Variants in VIPAS39 observed in about 807,000 individuals in gnomAD.
The protein encoded by VIPAS39 is spermatogenesis-defective protein 39 homolog.
A neutral mutation model predicts 84.7 loss-of-function variants in VIPAS39; 63 were observed. The observed-to-expected ratio is 0.74, with a 90% confidence interval of 0.61 to 0.92. The LOEUF (loss-of-function observed/expected upper bound fraction) is 0.92, where lower values mean the gene tolerates loss of function less well. Among genes scored for constraint, VIPAS39 ranks in the 40% least tolerant of loss-of-function variants. VIPAS39 has a pLI of 0.00. For missense variants in VIPAS39, 499 were observed against 604.5 expected, an observed-to-expected ratio of 0.83 and a Z score of 1.83; for synonymous variants, 192 against 216.5, an observed-to-expected ratio of 0.89 and a Z score of 0.99.
intron 17 of VIPAS39, 72 bp from the exon 18 acceptor site, chr14:77,429,167 A>G (rs2078480037): frequency 7.0e-7 from 1 of 1,424,054 alleles, no homozygotes; most frequent in African/African-American, 1.4e-5. Context: ...GGTAGAAAAG[A>G]AAGTCCTGAA....
chr14:77,441,265 CA>C (rs1288972233), intron 10 of VIPAS39, 172 bp from the exon 11 acceptor site: 2 of 706,294 alleles, frequency 2.8e-6, no homozygotes, highest in Admixed American at 4.7e-5. Context: ...TCTGGCTGAA[CA>C]AAAAGCAAGG....
rs1358419205 is a variant in VIPAS39, at chr14:77,451,307, C to T, written c.223G>A (p.Ala75Thr). 3 of 1,614,210 alleles carry T rather than the reference C, an allele frequency of 1.9e-6. No individual in the cohort carries two copies. The South Asian group carries it at 3.3e-5, about 18-fold the overall frequency. ...GSISWSIRET[A>T]GNSGSTHEGR... ...TCGTGGGTTGAGCCGCTATTACCAGCAGTCTCTCTGATGGACCATGAGATA... is the reference window on the plus strand; with the variant it reads ...TCGTGGGTTGAGCCGCTATTACCAGTAGTCTCTCTGATGGACCATGAGATA... The change falls in exon 4 of 20, where the codon GCT becomes ACT. Residue 75 changes from alanine (A) to threonine (T), a missense_variant. Physicochemically the swap from Ala to Thr is moderately conservative, Grantham distance 58. Coordinates refer to ENST00000557658, the MANE Select transcript of VIPAS39 (RefSeq NM_001193315.2).
In VIPAS39 at chr14:77,429,694, T is replaced by C. The variant is rs2078489124; in HGVS notation, c.1253A>G (p.Asn418Ser). ...AGGACCCATTACCTGCACAGGGGCA[T>C]TGTTCTTGTGCAAAATTTCGACAAC... ...HRVVEILHKN[N>S]APVQILQEYV... The change falls in exon 17 of 20, where the codon AAT becomes AGT. Residue 418 changes from asparagine (N) to serine (S), a missense_variant. Physicochemically the swap from Asn to Ser is conservative, Grantham distance 46. Transcript: ENST00000557658. The C allele has an allele frequency of 1.2e-6, 2 of 1,614,162 alleles. No individual in the cohort carries two copies. Among genetic ancestry groups the C allele is most frequent in the Non-Finnish European group, 1.7e-6 (2 of 1,180,004 alleles).
chr14:77,450,651 C>T (rs1461718739), intron 4 of VIPAS39, among the ~76,000 whole-genome samples: 1 of 152,130 alleles, frequency 6.6e-6, no homozygotes, highest in Non-Finnish European at 1.5e-5. Context: ...GCTGGGATTA[C>T]AGAAGCCCCC....
intron 19 of VIPAS39, 120 bp from the exon 20 acceptor site, chr14:77,427,756 A>C: frequency 7.4e-7 from 1 of 1,347,116 alleles, no homozygotes; most frequent in Non-Finnish European, 1.1e-6. Context: ...AAAAAGTAGA[A>C]TCAGATCAGG....
chr14:77,434,269 G>A lies in VIPAS39; in HGVS notation c.1082C>T (p.Thr361Ile). ...TFSSPVNLKK[T>I]FKIPDKQYVL... ...TGACCAATTTGTATCTACCTTAAATGTCTTCTTCAGGTTGACGGGACTGCT... is the reference window on the plus strand; with the variant it reads ...TGACCAATTTGTATCTACCTTAAATATCTTCTTCAGGTTGACGGGACTGCT... The change falls in exon 15 of 20, where the codon ACA becomes ATA. Residue 361 changes from threonine to isoleucine, a missense_variant. Physicochemically the swap from Thr to Ile is moderately conservative, Grantham distance 89. Coordinates refer to ENST00000557658, the MANE Select transcript of VIPAS39 (RefSeq NM_001193315.2). 1.9e-6 allele frequency: 3 copies of A among 1,614,054 alleles called. No homozygotes were observed. The highest frequency in any genetic ancestry group is 2.2e-5 in the South Asian group (2 of 91,084).
intron 8 of VIPAS39, among the ~76,000 whole-genome samples, chr14:77,444,003 T>C (rs2078745385): frequency 1.4e-5 from 2 of 145,800 alleles, no homozygotes; most frequent in Admixed American, 1.4e-4. Context: ...ATCACACCAC[T>C]GCACTTCAAC....
chr14:77,441,224 G>T, intron 10 of VIPAS39, 131 bp from the exon 11 acceptor site: 1 of 989,690 alleles, frequency 1.0e-6, no homozygotes, highest in Non-Finnish European at 1.6e-6. Context: ...AAGATAAATG[G>T]TTGATCAGAT....
chr14:77,453,534 T>C, intron 2 of VIPAS39, 133 bp from the exon 3 acceptor site: 2 of 840,490 alleles, frequency 2.4e-6, no homozygotes, highest in Non-Finnish European at 2.1e-6. Context: ...AAGCCTAGCA[T>C]ACTACATATT....
At chr14:77,452,205 TA>T (rs1370838406) in intron 3 of VIPAS39, among the ~76,000 whole-genome samples, 3 of 152,086 alleles carry the variant, frequency 2.0e-5, no homozygotes, top group African/African-American at 7.2e-5. Flanking sequence ...TATTAACACA[TA>T]AAAAGAGCAA....
intron 18 of VIPAS39, 133 bp downstream of exon 18, chr14:77,428,872 CT>C: frequency 1.3e-6 from 1 of 794,728 alleles, no homozygotes; most frequent in Non-Finnish European, 2.2e-6. Flanking sequence ...CAAACAAACT[CT>C]TGCCAGATTA....
In VIPAS39 at chr14:77,453,079, A is replaced by C. The variant is rs76221293; in HGVS notation, c.196+220T>G. On this transcript the variant is annotated intron_variant, in intron 3 of 19. Coordinates refer to ENST00000557658, the MANE Select transcript of VIPAS39 (RefSeq NM_001193315.2). ...AATGAGAATGAAATAGCCAGCTAAG[A>C]GTCAACCCCTGAAGAGCAGACCTAT... Among the ~76,000 whole-genome samples the C allele has an allele frequency of 0.03, 4,589 of 152,274 alleles. 227 individuals are homozygous for C. Among genetic ancestry groups the C allele is most frequent in the African/African-American group, 0.1 (4,343 of 41,526 alleles).
intron 14 of VIPAS39, 174 bp downstream of exon 14, chr14:77,435,085 C>T: frequency 3.2e-6 from 3 of 930,374 alleles, no homozygotes; most frequent in Middle Eastern, 3.4e-4. Flanking sequence ...AACCTCTTTT[C>T]CCTCCTGGCC....
chr14:77,442,745 C>A, intron 9 of VIPAS39, 83 bp from the exon 10 acceptor site: 1 of 1,196,416 alleles, frequency 8.4e-7, no homozygotes, highest in South Asian at 1.2e-5. Context: ...TCACACATTC[C>A]AAATATTATC....
At chr14:77,444,939 C>T (rs1384466340) in intron 7 of VIPAS39, among the ~76,000 whole-genome samples, 1 of 149,632 alleles carries the variant, frequency 6.7e-6, no homozygotes, top group Admixed American at 6.8e-5. Flanking sequence ...TAAAACATAC[C>T]CTATTTAAGT....
chr14:77,451,496 T>C (rs755774655), intron 3 of VIPAS39, among the ~76,000 whole-genome samples, 163 bp from the exon 4 acceptor site: 1 of 152,148 alleles, frequency 6.6e-6, no homozygotes, highest in Non-Finnish European at 1.5e-5. Context: ...AGCAGAAAAA[T>C]GGACCAAGGA....
chr14:77,433,505 A>G (rs1215566656), intron 16 of VIPAS39, among the ~76,000 whole-genome samples: 1 of 152,118 alleles, frequency 6.6e-6, no homozygotes, highest in Non-Finnish European at 1.5e-5. Context: ...CCAGCCCAAT[A>G]TTGTGCTTAC....
At chr14:77,434,669 G>C (rs928339264) in intron 14 of VIPAS39, among the ~76,000 whole-genome samples, 5 of 151,852 alleles carry the variant, frequency 3.3e-5, no homozygotes, top group African/African-American at 1.2e-4. Context: ...GAGGCAGGTG[G>C]ATCACGAGGT....
At chr14:77,446,024 A>G (rs1019667512) in intron 7 of VIPAS39, among the ~76,000 whole-genome samples, 4 of 151,614 alleles carry the variant, frequency 2.6e-5, no homozygotes, top group Non-Finnish European at 5.9e-5. Context: ...TCTCTGAGCT[A>G]TGGTGGTCCT....
Sources: allele counts gnomAD v4.1 joint callset (sites outside exome capture counted in the v4.1 genomes callset), GRCh38; gene constraint gnomAD v4.1.1; transcripts MANE v1.5; gene names NCBI Gene and HGNC (gene_info 2026-07-23, HGNC 2026-07-21).